Variants in UBOX5 observed in about 807,000 individuals in gnomAD.
UBOX5 encodes RING finger protein 37.
Under a neutral mutation model 39.0 loss-of-function variants are expected in UBOX5, and 28 were observed. The ratio of observed to expected loss-of-function variants is 0.72; its 90% CI spans 0.53 to 0.98. The LOEUF (loss-of-function observed/expected upper bound fraction) is 0.98, where lower values mean the gene tolerates loss of function less well. UBOX5 is among the 50% of genes least tolerant of loss of function. The pLI is 0.00. For synonymous variants in UBOX5, 283 were observed against 275.5 expected (o/e 1.03, Z -0.27); for missense variants, 585 against 674.4 (o/e 0.87, Z 1.47).
At position 3,122,478 on chromosome 20, in the gene UBOX5, G is replaced by A. The variant is rs1303824879; in HGVS notation, c.161C>T (p.Thr54Ile). The change falls in exon 3 of 5, where the codon ACA (threonine) becomes ATA (isoleucine). Residue 54 changes from threonine (T) to isoleucine (I), a missense_variant. By Grantham distance (89) the Thr-to-Ile change is moderately conservative. Coordinates refer to ENST00000217173, the MANE Select transcript of UBOX5 (RefSeq NM_014948.4). ...TTCCACATTAAAGGGAAATGAAACTGTCACATAGACTGGTGGCTTAATGAA... is the reference window on the plus strand; with the variant it reads ...TTCCACATTAAAGGGAAATGAAACTATCACATAGACTGGTGGCTTAATGAA... ...EYFIKPPVYV[T>I]VSFPFNVEIC... is the part of the protein sequence containing the mutation. 1 of 1,614,158 alleles carries A rather than the reference G, an allele frequency of 6.2e-7. No individual in the cohort carries two copies. The highest frequency in any genetic ancestry group is 1.7e-5 in the Admixed American group (1 of 60,012).
chr20:3,155,006 T>C (rs1251104026), intron 1 of UBOX5, among the ~76,000 whole-genome samples: 3 of 129,756 alleles, frequency 2.3e-5, no homozygotes, highest in African/African-American at 3.1e-5. Flanking sequence ...TGAACCAAGA[T>C]CGTGCCACTG....
chr20:3,120,609 G>A (rs562664934), intron 3 of UBOX5, among the ~76,000 whole-genome samples: 14 of 146,082 alleles, frequency 9.6e-5, no homozygotes, highest in Non-Finnish European at 1.3e-4. Flanking sequence ...TCATGCCACC[G>A]CACTCCAGCC....
At chr20:3,116,118 A>G (rs1222878557) in intron 3 of UBOX5, among the ~76,000 whole-genome samples, 1 of 152,026 alleles carries the variant, frequency 6.6e-6, no homozygotes, top group Admixed American at 6.6e-5. Context: ...CCAGCTTTGG[A>G]CTGCTGCTCC....
chr20:3,151,010 T>C (rs979935215), intron 1 of UBOX5: 2 of 152,202 alleles, frequency 1.3e-5, no homozygotes, highest in African/African-American at 4.8e-5. Context: ...CCTCTTGAAG[T>C]AGCAAAAACT....
intron 1 of UBOX5, among the ~76,000 whole-genome samples, chr20:3,128,529 G>A (rs562694720): frequency 3.7e-4 from 57 of 152,236 alleles, no homozygotes; most frequent in African/African-American, 1.3e-3. Context: ...CACTGCTCCA[G>A]GCAGTTCCCT....
In UBOX5 at chr20:3,128,747, CAGCTACTTGGGAGG is replaced by C. The variant is rs1396130009; in HGVS notation, c.-41-5355_-41-5342del. ...GTGTGGTAGCACACACCTCTAGTCCCAGCTACTTGGGAGGCGGAGGCAAGAGGATCACTTGAAGC... is the reference window on the plus strand; with the variant it reads ...GTGTGGTAGCACACACCTCTAGTCCCCGGAGGCAAGAGGATCACTTGAAGC... On this transcript the variant is annotated intron_variant, in intron 1 of 4. Transcript: ENST00000217173. 2.5e-4 allele frequency among the ~76,000 whole-genome samples: 38 copies of C among 152,238 alleles called. 1 individual carries two copies. In the East Asian group the frequency reaches 7.1e-3, roughly 29 times the overall value.
rs530045177 is a variant in UBOX5, at chr20:3,108,798, T to C, written c.*1308A>G. 3.9e-4 allele frequency: 60 copies of C among 152,302 alleles called. No individual in the cohort carries two copies. Among genetic ancestry groups the C allele is most frequent in the African/African-American group, 1.4e-3 (60 of 41,510 alleles). The allele number at this position is 152,302 out of a possible 1,614,324, so 9.4% of individuals were successfully genotyped here. A position where few individuals can be genotyped will look rare whatever the true frequency, so the allele number is the denominator to read the frequency against. On this transcript the variant is annotated 3_prime_UTR_variant, in exon 5 of 5. Transcript: ENST00000217173. ...AAATAAAAAAATTAGCTGGGCATGG[T>C]GGCACATGCCTATAGTTCCTGCTAC...
Position 3,144,984 on chromosome 20 carries a change from G to A in UBOX5, c.-42+14782C>T, listed in dbSNP as rs140053127. Among the ~76,000 whole-genome samples the A allele has an allele frequency of 2.9e-3, 449 of 152,266 alleles. 1 individual carries two copies. Among genetic ancestry groups the A allele is most frequent in the Non-Finnish European group, 5.2e-3 (353 of 68,012 alleles). On this transcript the variant is annotated intron_variant, in intron 1 of 4. Transcript: ENST00000217173. The stretch of plus-strand genomic sequence containing the variant: ...GCAAGACAAGTAGAAATGTGAAAGA[G>A]GGAGCTAAAAGAAAAATATTAAGTT...
chr20:3,155,474 T>C (rs2066674469), intron 1 of UBOX5, among the ~76,000 whole-genome samples: 1 of 151,968 alleles, frequency 6.6e-6, no homozygotes, highest in Non-Finnish European at 1.5e-5. Flanking sequence ...GAGGTTGTGG[T>C]GAGGCGAGGT....
At chr20:3,155,432 G>A (rs768375320) in intron 1 of UBOX5, among the ~76,000 whole-genome samples, 6 of 152,110 alleles carry the variant, frequency 3.9e-5, no homozygotes, top group Non-Finnish European at 7.3e-5. Flanking sequence ...TCAGAAGGCC[G>A]AGGCAGGAGA....
chr20:3,139,840 AC>A (rs751248192), intron 1 of UBOX5, among the ~76,000 whole-genome samples: 1 of 145,754 alleles, frequency 6.9e-6, no homozygotes, highest in Non-Finnish European at 1.5e-5. Flanking sequence ...CTCCTGAGTA[AC>A]TGGTATTACA....
chr20:3,135,162 C>T (rs534400009), intron 1 of UBOX5, among the ~76,000 whole-genome samples: 1 of 152,022 alleles, frequency 6.6e-6, no homozygotes, highest in East Asian at 1.9e-4. Flanking sequence ...TTTAAAAAAA[C>T]GTTGGTCAAA....
chr20:3,148,144 A>G, intron 1 of UBOX5: 1 of 1,613,830 alleles, frequency 6.2e-7, no homozygotes, highest in Non-Finnish European at 8.5e-7. Flanking sequence ...TCAAATCTAT[A>G]TATTTAAGGA....
chr20:3,120,804 C>T (rs1181937345), intron 3 of UBOX5, among the ~76,000 whole-genome samples: 5 of 152,240 alleles, frequency 3.3e-5, no homozygotes, highest in African/African-American at 1.2e-4. Context: ...CAGTAACCCT[C>T]TCCTGAAAGG....
intron 1 of UBOX5, among the ~76,000 whole-genome samples, chr20:3,142,134 T>C (rs2066521989): frequency 7.0e-6 from 1 of 143,316 alleles, no homozygotes; most frequent in Non-Finnish European, 1.5e-5. Flanking sequence ...ACTCCCAGTA[T>C]GGGCAACAGG....
At chr20:3,143,869 G>A (rs755404041) in intron 1 of UBOX5, among the ~76,000 whole-genome samples, 2 of 152,096 alleles carry the variant, frequency 1.3e-5, no homozygotes, top group Non-Finnish European at 2.9e-5. Context: ...TGAGGTTAGA[G>A]GATCGCTTGA....
chr20:3,144,227 A>G (rs2066541604), intron 1 of UBOX5, among the ~76,000 whole-genome samples: 1 of 152,198 alleles, frequency 6.6e-6, no homozygotes, highest in Non-Finnish European at 1.5e-5. Flanking sequence ...TAGCCAAAAC[A>G]ATATTGAAAA....
At position 3,121,742 on chromosome 20, in the gene UBOX5, C is replaced by CCA; in HGVS notation, c.895_896dup (p.Trp299CysfsTer13). 6.2e-7 allele frequency: 1 copy of CCA among 1,614,090 alleles called. No individual in the cohort carries two copies. Among genetic ancestry groups the CCA allele is most frequent in the South Asian group, 1.1e-5 (1 of 91,076 alleles). ...TGAAAGGGTCACTGGGCACTCGGCC[C>CCA]CATGTGGCTTCACTGCGGTTACACT... On this transcript the variant is annotated frameshift_variant, in exon 3 of 5. Coordinates refer to ENST00000217173, the MANE Select transcript of UBOX5 (RefSeq NM_014948.4). LOFTEE classifies it high-confidence loss of function.
At chr20:3,155,644 A>C (rs964858815) in intron 1 of UBOX5, among the ~76,000 whole-genome samples, 9 of 152,248 alleles carry the variant, frequency 5.9e-5, no homozygotes, top group Non-Finnish European at 1.2e-4. Context: ...ATTAAATTAA[A>C]AAATCCATGT....
Sources: allele counts gnomAD v4.1 joint callset (sites outside exome capture counted in the v4.1 genomes callset), GRCh38; gene constraint gnomAD v4.1.1; transcripts MANE v1.5; gene names NCBI Gene and HGNC (gene_info 2026-07-23, HGNC 2026-07-21).